OR2L13: variants seen among roughly 807,000 people sequenced by gnomAD.
The protein encoded by OR2L13 is olfactory receptor 2L13.
Under a neutral mutation model 15.3 loss-of-function variants are expected in OR2L13, and 14 were observed. That is an observed-to-expected ratio of 0.91 (90% CI 0.60 to 1.43). The LOEUF is 1.43. OR2L13 is among the 40% of genes most tolerant of loss of function. The probability of loss-of-function intolerance (pLI) is 0.00; values close to 1 mark genes in which losing one functional copy is unlikely to be tolerated. For synonymous variants in OR2L13, 152 were observed against 142.9 expected (o/e 1.06, Z -0.45); for missense variants, 367 against 387.9 (o/e 0.95, Z 0.45).
chr1:248,025,741 C>T, the OR2L13 span, among the ~76,000 whole-genome samples: 23 of 151,130 alleles, frequency 1.5e-4, no homozygotes, highest in African/African-American at 4.4e-4. Context: ...AAATGTGGCA[C>T]ATATACACCA....
chr1:247,994,057 T>C, the OR2L13 span, among the ~76,000 whole-genome samples: 1 of 152,030 alleles, frequency 6.6e-6, no homozygotes, highest in African/African-American at 2.4e-5. Flanking sequence ...CTAGGGAGAA[T>C]CCCAACCACA....
the OR2L13 span, among the ~76,000 whole-genome samples, chr1:248,008,723 A>G: frequency 2.6e-5 from 4 of 152,328 alleles, no homozygotes; most frequent in African/African-American, 9.6e-5. Flanking sequence ...CCCCAAATCA[A>G]TAGAATATAC....
At chr1:248,016,824 T>C in the OR2L13 span, among the ~76,000 whole-genome samples, 2 of 152,152 alleles carry the variant, frequency 1.3e-5, no homozygotes, top group Admixed American at 6.6e-5. Context: ...GGCATATGTG[T>C]GTTTGTGTGT....
At chr1:248,048,012 T>C in the OR2L13 span, among the ~76,000 whole-genome samples, 3 of 152,212 alleles carry the variant, frequency 2.0e-5, no homozygotes, top group Non-Finnish European at 4.4e-5. Context: ...GAATTCGATT[T>C]ATTTTAAATG....
At chr1:248,075,824 G>T in the OR2L13 span, among the ~76,000 whole-genome samples, 27 of 152,112 alleles carry the variant, frequency 1.8e-4, no homozygotes, top group Non-Finnish European at 2.6e-4. Context: ...TTTGATGGTG[G>T]TTTATTTTGC....
At chr1:248,068,074 GACAA>G in the OR2L13 span, among the ~76,000 whole-genome samples, 6,199 of 152,212 alleles carry the variant, frequency 0.041, 419 homozygotes, top group African/African-American at 0.14. Flanking sequence ...GCAGGGCACA[GACAA>G]ACAAAAAGAC....
At chr1:247,951,098 G>C in the OR2L13 span, among the ~76,000 whole-genome samples, 1 of 152,048 alleles carries the variant, frequency 6.6e-6, no homozygotes, top group Non-Finnish European at 1.5e-5. Flanking sequence ...GTTAGCTAGA[G>C]ATACGTGGAT....
the OR2L13 span, among the ~76,000 whole-genome samples, chr1:247,997,746 A>G: frequency 1.3e-5 from 2 of 152,206 alleles, no homozygotes; most frequent in African/African-American, 2.4e-5. Context: ...TAAATACATT[A>G]TCAGAACTCA....
exon 3 of OR2L13, chr1:248,099,610 A>C (rs1664806362): frequency 1.2e-6 from 2 of 1,613,890 alleles, no homozygotes; most frequent in Non-Finnish European, 1.7e-6. Context: ...CACCGTCCCC[A>C]AGATGGCGTA....
the OR2L13 span, chr1:248,003,154 A>G: frequency 1.1e-5 from 15 of 1,388,112 alleles, no homozygotes; most frequent in African/African-American, 2.0e-4. Flanking sequence ...ATCAAACATC[A>G]ACTGATTTCA....
chr1:248,027,127 G>C, the OR2L13 span, among the ~76,000 whole-genome samples: 1 of 152,068 alleles, frequency 6.6e-6, no homozygotes, highest in African/African-American at 2.4e-5. Flanking sequence ...GAGTTCCTAG[G>C]GGGCGGCCTC....
At chr1:248,099,471 C>G in exon 3 of OR2L13, 1 of 1,613,790 alleles carries the variant, frequency 6.2e-7, no homozygotes, top group Non-Finnish European at 8.5e-7. Flanking sequence ...TTATCATCCT[C>G]ATATTCTTTC....
At chr1:248,023,494 G>T in the OR2L13 span, 1 of 152,186 alleles carries the variant, frequency 6.6e-6, no homozygotes, top group Non-Finnish European at 1.5e-5. Context: ...TGAATGTGGA[G>T]TAGGTTATTT....
chr1:247,974,852 T>C, the OR2L13 span: 1 of 234,754 alleles, frequency 4.3e-6, no homozygotes, highest in African/African-American at 2.3e-5. Flanking sequence ...TGCTATTGGC[T>C]TTAATTGGCA....
the OR2L13 span, among the ~76,000 whole-genome samples, chr1:247,978,769 TG>T: frequency 9.9e-5 from 15 of 152,138 alleles, no homozygotes; most frequent in Admixed American, 3.9e-4. Context: ...CCTCCTCCTC[TG>T]GGCTTCCTTG....
chr1:248,013,447 A>G, the OR2L13 span, among the ~76,000 whole-genome samples: 2 of 152,156 alleles, frequency 1.3e-5, no homozygotes, highest in Non-Finnish European at 1.5e-5. Context: ...CTCTGTTATT[A>G]GTGACTCAGC....
At chr1:248,086,068 A>G in the OR2L13 span, among the ~76,000 whole-genome samples, 1 of 152,192 alleles carries the variant, frequency 6.6e-6, no homozygotes, top group African/African-American at 2.4e-5. Flanking sequence ...GTTTGAAAAT[A>G]GTTTTTTAAG....
chr1:247,990,852 G>T, the OR2L13 span: 1 of 1,558,442 alleles, frequency 6.4e-7, no homozygotes, highest in Non-Finnish European at 8.8e-7. Context: ...GGGTCTATGA[G>T]TGCACGGTGT....
the OR2L13 span, among the ~76,000 whole-genome samples, chr1:248,085,418 T>TAAAATAA: frequency 3.6e-5 from 1 of 27,630 alleles, no homozygotes; most frequent in African/African-American, 5.8e-5. Flanking sequence ...TAAAATAAAA[T>TAAAATAA]AATAAAATAA....
Sources: gnomAD v4.1 joint callset for allele counts (sites outside exome capture counted in the v4.1 genomes callset) on GRCh38, gnomAD v4.1.1 for gene constraint, MANE v1.5 for transcripts, NCBI Gene and HGNC (gene_info 2026-07-23, HGNC 2026-07-21) for gene names.